Variants in RALGPS1 observed in about 807,000 individuals in gnomAD.
RALGPS1 encodes ras-specific guanine nucleotide-releasing factor RalGPS1.
Under a neutral mutation model 78.8 loss-of-function variants are expected in RALGPS1, and 19 were observed. That is an observed-to-expected ratio of 0.24 (90% CI 0.17 to 0.35). The LOEUF is 0.35. RALGPS1 is among the 10% of genes least tolerant of loss of function. The pLI is 1.00. For synonymous variants in RALGPS1, 228 were observed against 256.3 expected, an observed-to-expected ratio of 0.89 and a Z score of 1.06; for missense variants, 454 against 688.3, an observed-to-expected ratio of 0.66 and a Z score of 3.81.
chr9:127,062,700 G>C (rs2049329961), intron 7 of RALGPS1, among the ~76,000 whole-genome samples: 1 of 152,132 alleles, frequency 6.6e-6, no homozygotes, highest in African/African-American at 2.4e-5. Context: ...ATTAACTTCT[G>C]TCTGTACAGG....
chr9:126,951,348 G>A (rs2037797270), intron 1 of RALGPS1, among the ~76,000 whole-genome samples: 1 of 147,856 alleles, frequency 6.8e-6, no homozygotes, highest in South Asian at 2.3e-4. Flanking sequence ...TACCAAAGCC[G>A]GGCAGAGACA....
chr9:127,116,573 C>T (rs887869815), intron 8 of RALGPS1, among the ~76,000 whole-genome samples: 6 of 152,160 alleles, frequency 3.9e-5, no homozygotes, highest in African/African-American at 1.4e-4. Flanking sequence ...CTCTGGAGCC[C>T]TACAACTGGG....
chr9:127,188,473 G>A (rs991211920), intron 11 of RALGPS1, among the ~76,000 whole-genome samples: 1 of 152,090 alleles, frequency 6.6e-6, no homozygotes, highest in African/African-American at 2.4e-5. Context: ...CCATTACGGT[G>A]GATTGGTCTG....
At chr9:127,125,711 C>G (rs1421157429) in intron 8 of RALGPS1, among the ~76,000 whole-genome samples, 1 of 152,300 alleles carries the variant, frequency 6.6e-6, no homozygotes, top group East Asian at 1.9e-4. Flanking sequence ...AGCACCGTTC[C>G]CACATTTCCA....
chr9:127,048,346 G>A (rs1341269955), intron 5 of RALGPS1, among the ~76,000 whole-genome samples: 1 of 152,098 alleles, frequency 6.6e-6, no homozygotes, highest in Non-Finnish European at 1.5e-5. Flanking sequence ...TATCTTCTTC[G>A]AGAAGCCTTC....
intron 8 of RALGPS1, among the ~76,000 whole-genome samples, chr9:127,149,939 A>G (rs2058324632): frequency 6.6e-6 from 1 of 152,228 alleles, no homozygotes; most frequent in Admixed American, 6.5e-5. Flanking sequence ...CCCTGGCTCA[A>G]CAGCTTCACA....
At chr9:126,975,261 T>C (rs564258492) in intron 3 of RALGPS1, among the ~76,000 whole-genome samples, 2 of 152,322 alleles carry the variant, frequency 1.3e-5, no homozygotes, top group East Asian at 3.9e-4. Flanking sequence ...ATAAAACACC[T>C]GAACACATTT....
intron 8 of RALGPS1, among the ~76,000 whole-genome samples, chr9:127,097,036 G>A (rs182846047): frequency 2.6e-5 from 4 of 152,310 alleles, no homozygotes; most frequent in East Asian, 3.9e-4. Flanking sequence ...CAACCAGAAC[G>A]AACTCAAGAA....
intron 8 of RALGPS1, among the ~76,000 whole-genome samples, chr9:127,104,477 G>A (rs944643663): frequency 2.0e-5 from 3 of 152,198 alleles, no homozygotes; most frequent in Non-Finnish European, 4.4e-5. Flanking sequence ...ACCACAGATA[G>A]GGCCATTTGG....
At chr9:127,080,439 G>C (rs1331569811) in intron 8 of RALGPS1, among the ~76,000 whole-genome samples, 1 of 152,242 alleles carries the variant, frequency 6.6e-6, no homozygotes, top group Non-Finnish European at 1.5e-5. Context: ...TGTTTGCAGT[G>C]GGTATGTGTT....
In RALGPS1 at chr9:127,219,176, C is replaced by G; in HGVS notation, c.*407C>G. On this transcript the variant is annotated 3_prime_UTR_variant, in exon 19 of 19. Coordinates refer to ENST00000259351, the MANE Select transcript of RALGPS1 (RefSeq NM_014636.3). The surrounding 1 kb of genome is among the most constrained non-coding windows in gnomAD (Gnocchi z 5.0). ...AGCTGTGGAACAGGCTTTTTACACC[C>G]CAAGTGCATGGGGTTGCTCGCCCAC... 1 of 257,036 alleles carries G rather than the reference C, an allele frequency of 3.9e-6. No individual in the cohort carries two copies. Among genetic ancestry groups the G allele is most frequent in the Non-Finnish European group, 7.7e-6 (1 of 130,236 alleles). The allele number at this position is 257,036 out of a possible 1,614,324, so 15.9% of individuals were successfully genotyped here.
chr9:127,200,985 T>G (rs369143592), intron 14 of RALGPS1, among the ~76,000 whole-genome samples: 26 of 152,220 alleles, frequency 1.7e-4, no homozygotes, highest in African/African-American at 6.3e-4. Flanking sequence ...AAGCAGCTGC[T>G]CCCTGCCAGA....
intron 3 of RALGPS1, among the ~76,000 whole-genome samples, chr9:126,974,816 A>G (rs1472529812): frequency 1.3e-5 from 2 of 152,066 alleles, no homozygotes; most frequent in Non-Finnish European, 2.9e-5. Flanking sequence ...TTGAGGCTGT[A>G]ACATACCCCT....
At chr9:127,010,255 C>T (rs2044223651) in intron 4 of RALGPS1, among the ~76,000 whole-genome samples, 1 of 152,142 alleles carries the variant, frequency 6.6e-6, no homozygotes, top group East Asian at 1.9e-4. Flanking sequence ...CCTCTTTGTC[C>T]TTCCTCATCG....
At chr9:127,112,149 C>G (rs1169826294) in intron 8 of RALGPS1, among the ~76,000 whole-genome samples, 1 of 152,222 alleles carries the variant, frequency 6.6e-6, no homozygotes, top group Non-Finnish European at 1.5e-5. Context: ...ATGGCCTGCT[C>G]AGGCCTCTCT....
At chr9:127,127,763 A>AT (rs2138065527) in intron 8 of RALGPS1, among the ~76,000 whole-genome samples, 1 of 152,330 alleles carries the variant, frequency 6.6e-6, no homozygotes, top group East Asian at 1.9e-4. Context: ...GAGACTTAGC[A>AT]AAGTGAGGTT....
intron 11 of RALGPS1, among the ~76,000 whole-genome samples, chr9:127,175,166 G>A (rs2139909857): frequency 6.6e-6 from 1 of 152,370 alleles, no homozygotes; most frequent in Admixed American, 6.5e-5. Context: ...GGGGTGCGGA[G>A]GATGCCCAGG....
At chr9:126,982,901 TTTCTTCTTCTTCTTC>T (rs1174434563) in intron 4 of RALGPS1, among the ~76,000 whole-genome samples, 3 of 102,590 alleles carry the variant, frequency 2.9e-5, no homozygotes, top group East Asian at 3.7e-4. Context: ...CTTCTCTTCT[TTTCTTCTTCTTCTTC>T]TTCTTCTTCT....
intron 5 of RALGPS1, among the ~76,000 whole-genome samples, chr9:127,045,632 C>T (rs1042967457): frequency 6.6e-6 from 1 of 152,076 alleles, no homozygotes; most frequent in Middle Eastern, 3.4e-3. Context: ...TAATGGATTA[C>T]GGTTGGAGAC....
Sources: gnomAD v4.1 joint callset for allele counts (sites outside exome capture counted in the v4.1 genomes callset) on GRCh38, gnomAD v4.1.1 for gene constraint, Gnocchi (gnomAD v3.1) non-coding constraint, MANE v1.5 for transcripts, NCBI Gene and HGNC (gene_info 2026-07-23, HGNC 2026-07-21) for gene names.